ZNF331: variants seen among roughly 807,000 people sequenced by gnomAD.
ZNF331 encodes the protein zinc finger protein 331, also known as C2H2-like zinc finger protein rearranged in thyroid adenomas.
A neutral mutation model predicts 7.0 loss-of-function variants in ZNF331; 2 were observed. The ratio of observed to expected loss-of-function variants is 0.29; its 90% CI spans 0.12 to 0.90. The LOEUF (loss-of-function observed/expected upper bound fraction) is 0.90. ZNF331 is among the 40% of genes least tolerant of loss of function. The pLI is 0.58. For synonymous variants in ZNF331, 196 were observed against 205.4 expected, an observed-to-expected ratio of 0.95 and a Z score of 0.39; for missense variants, 432 against 587.7, an observed-to-expected ratio of 0.74 and a Z score of 2.74.
chr19:53,506,498 CT>C, the ZNF331 span, among the ~76,000 whole-genome samples: 1 of 140,336 alleles, frequency 7.1e-6, no homozygotes, highest in African/African-American at 3.0e-5. Context: ...CTCTCTCTCT[CT>C]CTCTCTCTGT....
chr19:53,556,715 G>A (rs1357320708), intron 3 of ZNF331, among the ~76,000 whole-genome samples: 4 of 151,994 alleles, frequency 2.6e-5, no homozygotes, highest in Admixed American at 1.3e-4. Context: ...ATAGCTCACT[G>A]CAACCTCAGC....
chr19:53,521,153 A>G (rs2087060006), exon 1 of ZNF331: 1 of 152,074 alleles, frequency 6.6e-6, no homozygotes, highest in Non-Finnish European at 1.5e-5. Context: ...TCACCTCCTG[A>G]TGTGCTGGGT....
At chr19:53,540,261 C>T (rs950836942) in intron 2 of ZNF331, among the ~76,000 whole-genome samples, 1 of 152,092 alleles carries the variant, frequency 6.6e-6, no homozygotes, top group Non-Finnish European at 1.5e-5. Context: ...GTTCTGGAGG[C>T]TGGAAGTCTG....
intron 5 of ZNF331, among the ~76,000 whole-genome samples, chr19:53,572,439 G>C (rs188631539): frequency 6.6e-6 from 1 of 151,674 alleles, no homozygotes; most frequent in East Asian, 1.9e-4. Context: ...GCTATAGTTA[G>C]CTATGATCAT....
In ZNF331 at chr19:53,575,499, C is replaced by CTTTTTTT. The variant is rs34296898; in HGVS notation, c.137-1182_137-1176dup. On this transcript the variant is annotated intron_variant, in intron 5 of 5. Coordinates refer to ENST00000449416, the MANE Select transcript of ZNF331 (RefSeq NM_001079906.2). ...AATGTTGTATTCTTTTACCCAGTTG[C>CTTTTTTT]TTTTTTTTTTTTTTTTTTTTTTGAG... Among the ~76,000 whole-genome samples the CTTTTTTT allele has an allele frequency of 1.9e-3, 145 of 75,888 alleles. 1 individual carries two copies. Among genetic ancestry groups the CTTTTTTT allele is most frequent in the Non-Finnish European group, 2.4e-3 (99 of 40,736 alleles). The allele number at this position is 75,888 out of a possible 152,430, so 49.8% of individuals were successfully genotyped here.
In ZNF331 at chr19:53,577,296, A is replaced by G; in HGVS notation, c.736A>G (p.Lys246Glu). 1 of 1,614,156 alleles carries G rather than the reference A, an allele frequency of 6.2e-7. No homozygotes were observed. Residue 246 changes from lysine to glutamate, a missense_variant, in exon 6 of 6, where the codon AAA (lysine) becomes GAA (glutamate). Lys to Glu is a moderately conservative substitution (Grantham distance 56). Around this residue, in one of 3 missense-constraint regions of ZNF331, gnomAD observed 312 missense variants for 448.6 expected, o/e 0.70. Coordinates refer to ENST00000449416, the MANE Select transcript of ZNF331 (RefSeq NM_001079906.2). ...FHTGEKDYEC[K>E]DCGKTFSRVY... ...CACTGGGGAGAAAGACTACGAATGC[A>G]AAGACTGTGGGAAGACCTTTAGCCG...
At chr19:53,552,111 CGAT>C (rs1229553683) in intron 2 of ZNF331, among the ~76,000 whole-genome samples, 9 of 152,058 alleles carry the variant, frequency 5.9e-5, no homozygotes, top group Non-Finnish European at 1.2e-4. Context: ...AAATTGAGTA[CGAT>C]GACAATTAAA....
the ZNF331 span, among the ~76,000 whole-genome samples, chr19:53,506,401 C>CT: frequency 7.4e-6 from 1 of 134,872 alleles, no homozygotes; most frequent in South Asian, 2.4e-4. Context: ...CACATACACA[C>CT]TCTCTCTCTC....
Position 53,578,332 on chromosome 19 carries a change from A to G in ZNF331, c.*380A>G, listed in dbSNP as rs930104599. On this transcript the variant is annotated 3_prime_UTR_variant, in exon 6 of 6. Transcript: ENST00000449416. ...GTGATGCTGGTGATTCGGATATGCC[A>G]AAGAGAAGCCACAAAGTGCTTCCTT... The G allele has an allele frequency of 1.6e-5, 4 of 247,596 alleles. No individual in the cohort carries two copies. The highest frequency in any genetic ancestry group is 2.4e-5 in the Non-Finnish European group (3 of 126,274). 15.3% of individuals were successfully genotyped at this position (247,596 alleles called of 1,614,324 possible). A position where few individuals can be genotyped will look rare whatever the true frequency, so the allele number is the denominator to read the frequency against.
chr19:53,577,624 A>G lies in ZNF331; in HGVS notation c.1064A>G (p.Tyr355Cys), dbSNP rs759573823. The change falls in exon 6 of 6, where the codon TAC becomes TGC. Residue 355 changes from tyrosine to cysteine, a missense_variant. Tyr to Cys is a radical substitution (Grantham distance 194). This residue lies in a region of ZNF331 where 312 missense variants were observed against 448.6 expected (regional missense o/e 0.70). Coordinates refer to ENST00000449416, the MANE Select transcript of ZNF331 (RefSeq NM_001079906.2). ...AGGATACATACGGGCGAGAAGCCGT[A>G]CAAGTGCACAGAATGTGGGAAGGCC... is the stretch of plus-strand genomic sequence containing the variant. ...HERIHTGEKP[Y>C]KCTECGKAFN... is the part of the protein sequence containing the mutation. 6.2e-7 allele frequency: 1 copy of G among 1,613,990 alleles called. No individual in the cohort carries two copies.
At position 53,546,146 on chromosome 19, in the gene ZNF331, A is replaced by G. The variant is rs1410724161; in HGVS notation, c.-138+6864A>G. On this transcript the variant is annotated intron_variant, in intron 2 of 5. Transcript: ENST00000449416. ...GAAAAAGCATCCTGAGGGGGAAAAA[A>G]AAAAAAAAAAAAAAATTATTATTTA... Among the ~76,000 whole-genome samples the G allele has an allele frequency of 4.4e-3, 479 of 108,060 alleles. 6 individuals are homozygous for G. The highest frequency in any genetic ancestry group is 0.037 in the African/African-American group (461 of 12,482). The allele number at this position is 108,060 out of a possible 152,430, so 70.9% of individuals were successfully genotyped here.
intron 2 of ZNF331, among the ~76,000 whole-genome samples, chr19:53,525,954 A>G (rs937694856): frequency 3.9e-5 from 6 of 152,250 alleles, no homozygotes; most frequent in Non-Finnish European, 8.8e-5. Flanking sequence ...ACATTCCTCA[A>G]TACCTAATCT....
chr19:53,553,372 ATAT>A lies in ZNF331; in HGVS notation c.-137-2469_-137-2467del, dbSNP rs2089141392. 3.3e-5 allele frequency among the ~76,000 whole-genome samples: 5 copies of A among 152,190 alleles called. No homozygotes were observed. In the South Asian group the frequency reaches 8.3e-4, roughly 25 times the overall value. On this transcript the variant is annotated intron_variant, in intron 2 of 5. Transcript: ENST00000449416. ...TGTCATTGTGAATGTCCTGGCGGTG[ATAT>A]TATACTGTATACTATAATCACCAAT...
At chr19:53,549,663 C>A (rs2088852737) in intron 2 of ZNF331, among the ~76,000 whole-genome samples, 1 of 149,704 alleles carries the variant, frequency 6.7e-6, no homozygotes, top group South Asian at 2.1e-4. Flanking sequence ...GTTAGAAATC[C>A]TATGTATGGG....
chr19:53,518,364 T>G (rs2086955405), upstream of ZNF331, among the ~76,000 whole-genome samples: 3 of 152,232 alleles, frequency 2.0e-5, no homozygotes, highest in Non-Finnish European at 4.4e-5. Flanking sequence ...CTGAGGCTTT[T>G]GGACTTGAAC....
intron 3 of ZNF331, among the ~76,000 whole-genome samples, chr19:53,568,793 A>G (rs1452475179): frequency 2.0e-5 from 3 of 148,268 alleles, no homozygotes; most frequent in Admixed American, 2.0e-4. Flanking sequence ...TGCTGTGTGC[A>G]GCTAGGTTTC....
At chr19:53,532,979 A>G (rs1287257580) in intron 2 of ZNF331, among the ~76,000 whole-genome samples, 1 of 152,014 alleles carries the variant, frequency 6.6e-6, no homozygotes, top group Non-Finnish European at 1.5e-5. Context: ...TAGTTTCATT[A>G]ATCTTCCCAT....
the ZNF331 span, chr19:53,504,378 C>T: frequency 1.2e-5 from 2 of 164,672 alleles, no homozygotes; most frequent in Admixed American, 5.8e-5. Context: ...GACCCATAAA[C>T]ACGGTTATGA....
chr19:53,543,288 G>A (rs2088310556), intron 2 of ZNF331, among the ~76,000 whole-genome samples: 1 of 152,048 alleles, frequency 6.6e-6, no homozygotes, highest in Admixed American at 6.5e-5. Flanking sequence ...TTTTTGAGAC[G>A]GAGTCTCGCC....
Sources: allele counts gnomAD v4.1 joint callset (sites outside exome capture counted in the v4.1 genomes callset), GRCh38; gene constraint gnomAD v4.1.1; regional missense constraint gnomAD v4.1.1; transcripts MANE v1.5; gene names NCBI Gene and HGNC (gene_info 2026-07-23, HGNC 2026-07-21).